The following CWF19L2 variants were observed in gnomAD, a reference collection of about 807,000 sequenced individuals.
CWF19L2 encodes the protein CWF19-like protein 2.
Under a neutral mutation model 111.7 loss-of-function variants are expected in CWF19L2, and 98 were observed. The ratio of observed to expected loss-of-function variants is 0.88; its 90% confidence interval spans 0.75 to 1.04. CWF19L2 has a LOEUF of 1.04. CWF19L2 is among the 50% of genes least tolerant of loss of function. The probability of loss-of-function intolerance (pLI) is 0.00; values close to 1 mark genes in which losing one functional copy is unlikely to be tolerated. For missense variants in CWF19L2, 1,101 were observed against 1,051.4 expected (o/e 1.05, Z -0.65); for synonymous variants, 351 against 342.9 (o/e 1.02, Z -0.26).
At chr11:107,416,707 A>C (rs1219665005) in intron 9 of CWF19L2, among the ~76,000 whole-genome samples, 1 of 152,242 alleles carries the variant, frequency 6.6e-6, no homozygotes, top group African/African-American at 2.4e-5. Context: ...AATTCCGAAG[A>C]TATTTCATTT....
intron 3 of CWF19L2, among the ~76,000 whole-genome samples, chr11:107,447,092 T>G (rs757347701): frequency 1.3e-5 from 2 of 152,156 alleles, no homozygotes; most frequent in Non-Finnish European, 2.9e-5. Context: ...TCTGCTTCTG[T>G]CCTTGACAAA....
Position 107,367,012 on chromosome 11 carries a change from C to T in CWF19L2, c.1873-13276G>A, listed in dbSNP as rs1172551065. Among the ~76,000 whole-genome samples the T allele has an allele frequency of 1.3e-4, 13 of 101,390 alleles. 1 individual carries two copies. Among genetic ancestry groups the T allele is most frequent in the African/African-American group, 4.5e-4 (11 of 24,242 alleles). The allele number at this position is 101,390 out of a possible 152,430, so 66.5% of individuals were successfully genotyped here. A position where few individuals can be genotyped will look rare whatever the true frequency, so the allele number is the denominator to read the frequency against. On this transcript the variant is annotated intron_variant, in intron 12 of 17. Transcript: ENST00000282251. ...ACAAACAACCCCATCAACAAGTGGG[C>T]GCAGGATATGAACAGACACTTCTCA...
intron 16 of CWF19L2, among the ~76,000 whole-genome samples, chr11:107,332,673 C>T (rs1031672282): frequency 2.0e-5 from 3 of 151,812 alleles, no homozygotes; most frequent in Non-Finnish European, 4.4e-5. Context: ...GTTAAAATAA[C>T]TCAGTATTGT....
At chr11:107,379,361 C>G (rs887293876) in intron 12 of CWF19L2, among the ~76,000 whole-genome samples, 1 of 152,206 alleles carries the variant, frequency 6.6e-6, no homozygotes, top group African/African-American at 2.4e-5. Context: ...TATTTGCTGG[C>G]CAGAGGCCAG....
chr11:107,403,905 T>C, intron 10 of CWF19L2: 1 of 812,192 alleles, frequency 1.2e-6, no homozygotes. Context: ...GCTTCTAGTT[T>C]TCACTGAGGA....
At chr11:107,417,895 A>G (rs555566) in intron 9 of CWF19L2, among the ~76,000 whole-genome samples, 86,243 of 151,824 alleles carry the variant, frequency 0.57, 25,975 homozygotes, top group African/African-American at 0.79. Context: ...CGATAGCTGG[A>G]ATTACAGGCA....
chr11:107,434,786 G>A (rs899001701), intron 6 of CWF19L2, among the ~76,000 whole-genome samples: 1 of 152,000 alleles, frequency 6.6e-6, no homozygotes, highest in Non-Finnish European at 1.5e-5. Flanking sequence ...TCTGGTGCTA[G>A]AAAACAGAAT....
At chr11:107,336,361 G>T (rs1350609290) in intron 15 of CWF19L2, among the ~76,000 whole-genome samples, 197 bp downstream of exon 15, 1 of 152,122 alleles carries the variant, frequency 6.6e-6, no homozygotes, top group African/African-American at 2.4e-5. Flanking sequence ...TGGCCAGGCT[G>T]GTCTTGAAGT....
At position 107,418,417 on chromosome 11, in the gene CWF19L2, T is replaced by C. The variant is rs760180657; in HGVS notation, c.1434-130A>G. ...TACCAATAGCAGATCATGATTGTAA[T>C]ACATGTAAATTAAACTCAATATTTT... On this transcript the variant is annotated intron_variant, in intron 8 of 17. Transcript: ENST00000282251. 5.3e-4 allele frequency: 345 copies of C among 656,218 alleles called. 2 individuals are homozygous for C. Among genetic ancestry groups the C allele is most frequent in the Non-Finnish European group, 1.1e-4 (39 of 359,138 alleles). 40.6% of individuals were successfully genotyped at this position (656,218 alleles called of 1,614,324 possible). A position where few individuals can be genotyped will look rare whatever the true frequency, so the allele number is the denominator to read the frequency against.
intron 14 of CWF19L2, among the ~76,000 whole-genome samples, chr11:107,342,986 C>T (rs550929744): frequency 2.6e-5 from 4 of 152,186 alleles, no homozygotes; most frequent in Admixed American, 2.6e-4. Flanking sequence ...TCCAGAGTCT[C>T]CAGAAGGAAC....
At chr11:107,361,896 A>C (rs1860346835) in intron 12 of CWF19L2, among the ~76,000 whole-genome samples, 1 of 152,136 alleles carries the variant, frequency 6.6e-6, no homozygotes, top group South Asian at 2.1e-4. Flanking sequence ...TGATTTGTGC[A>C]TTTCCATCTG....
Position 107,371,206 on chromosome 11 carries a change from T to C in CWF19L2, c.1873-17470A>G, listed in dbSNP as rs766728488. Among the ~76,000 whole-genome samples, 96 of 136,090 alleles carry C rather than the reference T, an allele frequency of 7.1e-4. 24 individuals are homozygous for C. The highest frequency in any genetic ancestry group is 1.2e-3 in the Non-Finnish European group (76 of 63,834). 89.3% of individuals were successfully genotyped at this position (136,090 alleles called of 152,430 possible). A position where few individuals can be genotyped will look rare whatever the true frequency, so the allele number is the denominator to read the frequency against. On this transcript the variant is annotated intron_variant, in intron 12 of 17. Transcript: ENST00000282251. ...TTTTAGTAGAGACAGGATTTCACCATGTTAGCCAGGATGGTATCGACCTCC... is the reference window on the plus strand; with the variant it reads ...TTTTAGTAGAGACAGGATTTCACCACGTTAGCCAGGATGGTATCGACCTCC...
At position 107,392,828 on chromosome 11, in the gene CWF19L2, GT is replaced by G. The variant is rs764492291; in HGVS notation, c.1684del (p.Thr562HisfsTer36). ...TTGTGATTCCAGAGATTTTCCGGGT[GT>G]GTTCACAGGCCATACTCTTCCAGAC... ...DQSGRVWPVN[T>X]PGKSLESQGG... On this transcript the variant is annotated frameshift_variant, in exon 11 of 18. Transcript: ENST00000282251. LOFTEE classifies it high-confidence loss of function. 7 of 1,596,098 alleles carry G rather than the reference GT, an allele frequency of 4.4e-6. No homozygotes were observed. Among genetic ancestry groups the G allele is most frequent in the Non-Finnish European group, 6.0e-6 (7 of 1,173,796 alleles).
intron 12 of CWF19L2, among the ~76,000 whole-genome samples, chr11:107,371,012 C>CTTTTTT (rs577136063): frequency 2.0e-5 from 2 of 100,026 alleles, no homozygotes; most frequent in African/African-American, 4.2e-5. Context: ...TCTAGTTTCT[C>CTTTTTT]TTTTTTTTTT....
intron 10 of CWF19L2, among the ~76,000 whole-genome samples, chr11:107,411,539 ATAATT>A (rs1274574840): frequency 6.6e-6 from 1 of 152,196 alleles, no homozygotes; most frequent in Non-Finnish European, 1.5e-5. Context: ...TTAAAATTTT[ATAATT>A]TAATTAAGCT....
chr11:107,404,249 T>C, intron 10 of CWF19L2: 2 of 778,546 alleles, frequency 2.6e-6, no homozygotes, highest in South Asian at 2.7e-5. Context: ...ATTTAAATAT[T>C]CTTGTTTTTC....
At chr11:107,379,953 C>G (rs948927109) in intron 12 of CWF19L2, among the ~76,000 whole-genome samples, 1 of 138,430 alleles carries the variant, frequency 7.2e-6, no homozygotes, top group African/African-American at 2.7e-5. Flanking sequence ...CCCAGCTATT[C>G]GGGAGGCTGA....
At chr11:107,362,209 C>G (rs61906001) in intron 12 of CWF19L2, among the ~76,000 whole-genome samples, 2,415 of 9,618 alleles carry the variant, frequency 0.25, 34 homozygotes, top group African/African-American at 0.37. Flanking sequence ...ACCACAGCAG[C>G]TGAGATCAAA....
At position 107,326,589 on chromosome 11, in the gene CWF19L2, C is replaced by A; in HGVS notation, c.*321G>T. 1 of 199,682 alleles carries A rather than the reference C, an allele frequency of 5.0e-6. No homozygotes were observed. The highest frequency in any genetic ancestry group is 1.9e-4 in the South Asian group (1 of 5,226). 12.4% of individuals were successfully genotyped at this position (199,682 alleles called of 1,614,324 possible). A position where few individuals can be genotyped will look rare whatever the true frequency, so the allele number is the denominator to read the frequency against. On this transcript the variant is annotated 3_prime_UTR_variant, in exon 18 of 18. Transcript: ENST00000282251. The stretch of plus-strand genomic sequence containing the variant: ...CCCTCTGAACCAAGGATTTCCTATG[C>A]TTTTTAGATATCCCTTCAGAAAAGG...
Sources: allele counts gnomAD v4.1 joint callset (sites outside exome capture counted in the v4.1 genomes callset), GRCh38; gene constraint gnomAD v4.1.1; transcripts MANE v1.5; gene names NCBI Gene and HGNC (gene_info 2026-07-23, HGNC 2026-07-21).